Variants in SUPT6H observed in about 807,000 individuals in gnomAD.
SUPT6H encodes transcription elongation factor SPT6.
Under a neutral mutation model 222.3 loss-of-function variants are expected in SUPT6H, and 11 were observed. The ratio of observed to expected loss-of-function variants is 0.05; its 90% CI spans 0.03 to 0.08. The LOEUF (loss-of-function observed/expected upper bound fraction) is 0.08. SUPT6H is among the 10% of genes least tolerant of loss of function. The pLI is 1.00. For missense variants in SUPT6H, 1,422 were observed against 2,216.0 expected, an observed-to-expected ratio of 0.64 and a Z score of 7.19; for synonymous variants, 762 against 801.2, an observed-to-expected ratio of 0.95 and a Z score of 0.83.
intron 24 of SUPT6H, 186 bp from the exon 25 acceptor site, chr17:28,689,168 A>G: frequency 1.7e-6 from 1 of 590,414 alleles, no homozygotes; most frequent in Non-Finnish European, 3.0e-6. Context: ...TTCACGTATC[A>G]ATATATTGTG....
intron 29 of SUPT6H, among the ~76,000 whole-genome samples, chr17:28,696,034 C>T (rs145576704): frequency 2.0e-5 from 3 of 151,964 alleles, no homozygotes; most frequent in Admixed American, 6.6e-5. Context: ...GAGCCAGGTG[C>T]GGTGGCTCAT....
At chr17:28,667,405 G>GTATATATATATATATATATATATATATA (rs59286877) in intron 1 of SUPT6H, among the ~76,000 whole-genome samples, 1 of 49,302 alleles carries the variant, frequency 2.0e-5, no homozygotes, top group Non-Finnish European at 3.4e-5. Context: ...GTGTGTGTGT[G>GTATATATATATATATATATATATATATA]TATATATATA....
chr17:28,672,289 A>G (rs1346162421), intron 1 of SUPT6H, among the ~76,000 whole-genome samples: 1 of 152,228 alleles, frequency 6.6e-6, no homozygotes, highest in Non-Finnish European at 1.5e-5. Context: ...TTGTCCCTAC[A>G]TTAGTTTCTT....
Position 28,673,150 on chromosome 17 carries a change from C to CA in SUPT6H, c.-31-204dup, listed in dbSNP as rs568444024. 7.3e-3 allele frequency among the ~76,000 whole-genome samples: 598 copies of CA among 81,764 alleles called. 3 individuals are homozygous for CA. The highest frequency in any genetic ancestry group is 0.032 in the East Asian group (99 of 3,086). The allele number at this position is 81,764 out of a possible 152,430, so 53.6% of individuals were successfully genotyped here. ...TGGGTGAGAGAGTGAGACGCCACCT[C>CA]AAAAAAAAAAAAAAAAAGTACATAT... On this transcript the variant is annotated intron_variant, in intron 1 of 36. Coordinates refer to ENST00000314616, the MANE Select transcript of SUPT6H (RefSeq NM_003170.5).
chr17:28,696,723 A>T, intron 29 of SUPT6H, 121 bp from the exon 30 acceptor site: 1 of 904,074 alleles, frequency 1.1e-6, no homozygotes, highest in Admixed American at 1.9e-5. Flanking sequence ...CTGGCACTCC[A>T]GCCCAGATGA....
Position 28,673,737 on chromosome 17 carries a change from GTTTAC to G in SUPT6H, c.109+232_109+236del, listed in dbSNP as rs1019736368. The stretch of plus-strand genomic sequence containing the variant: ...ACAATAAATATCCAGCTATTGTGGA[GTTTAC>G]TTTAGTTGGGGGGTGGTTGATAATA... On this transcript the variant is annotated intron_variant, in intron 2 of 36. Coordinates refer to ENST00000314616, the MANE Select transcript of SUPT6H (RefSeq NM_003170.5). The G allele has an allele frequency of 7.3e-5, 37 of 507,830 alleles. No homozygotes were observed. In the East Asian group the frequency reaches 8.1e-4, roughly 11 times the overall value. 31.5% of individuals were successfully genotyped at this position (507,830 alleles called of 1,614,324 possible). A position where few individuals can be genotyped will look rare whatever the true frequency, so the allele number is the denominator to read the frequency against.
chr17:28,697,877 C>G, intron 31 of SUPT6H, 29 bp from the exon 32 acceptor site: 11 of 1,611,778 alleles, frequency 6.8e-6, no homozygotes, highest in South Asian at 1.1e-5. Flanking sequence ...TGCTGCTATC[C>G]CAACCTCTCC....
intron 6 of SUPT6H, 22 bp downstream of exon 6, chr17:28,675,507 G>C: frequency 1.2e-6 from 2 of 1,613,648 alleles, no homozygotes; most frequent in Non-Finnish European, 1.7e-6. Flanking sequence ...CTGGTACAAG[G>C]TGGGGATAAA....
In SUPT6H at chr17:28,700,252, TGAG is replaced by T; in HGVS notation, c.4639+6_4639+8del. On this transcript the variant is annotated splice_donor_5th_base_variant and intron_variant, in intron 34 of 36. Coordinates refer to ENST00000314616, the MANE Select transcript of SUPT6H (RefSeq NM_003170.5). ...CCCCAGCCAACATCAACCTTGCAGG[TGAG>T]GAGCTTGAGCCTGGGACTGGAGGTG... 9.9e-6 allele frequency: 16 copies of T among 1,614,116 alleles called. No homozygotes were observed. The highest frequency in any genetic ancestry group is 1.4e-5 in the Non-Finnish European group (16 of 1,180,024).
intron 23 of SUPT6H, 113 bp from the exon 24 acceptor site, chr17:28,687,978 A>G (rs1360287387): frequency 4.6e-6 from 6 of 1,294,730 alleles, no homozygotes; most frequent in African/African-American, 3.1e-5. Context: ...GTAGTGCTCA[A>G]CTAGATACTG....
At chr17:28,698,987 T>A (rs2032033824) in intron 32 of SUPT6H, among the ~76,000 whole-genome samples, 1 of 152,224 alleles carries the variant, frequency 6.6e-6, no homozygotes, top group South Asian at 2.1e-4. Context: ...TGCAGCATGA[T>A]AGCTTCTGGG....
chr17:28,678,514 CTGAG>C, intron 9 of SUPT6H, 27 bp from the exon 10 acceptor site: 2 of 1,602,738 alleles, frequency 1.2e-6, no homozygotes, highest in Non-Finnish European at 1.7e-6. Flanking sequence ...TCTGTCTTCT[CTGAG>C]TGACTGCAGT....
Position 28,687,092 on chromosome 17 carries a change from A to G in SUPT6H, c.2705A>G (p.Glu902Gly). ...LYMNSKKSEAEFRDYPPVLRQ... is the reference protein window; with the variant it reads ...LYMNSKKSEAGFRDYPPVLRQ... ...CTGACCCTCGTTTGACTCTAGGCAG[A>G]GTTCCGGGATTATCCTCCAGTGCTG... The change falls in exon 22 of 37, where the codon GAG (glutamate) becomes GGG (glycine). Residue 902 changes from glutamate to glycine, a missense_variant. By Grantham distance (98) the Glu-to-Gly change is moderately conservative. Coordinates refer to ENST00000314616, the MANE Select transcript of SUPT6H (RefSeq NM_003170.5). 1 of 1,613,144 alleles carries G rather than the reference A, an allele frequency of 6.2e-7. No homozygotes were observed. Among genetic ancestry groups the G allele is most frequent in the Non-Finnish European group, 8.5e-7 (1 of 1,180,000 alleles).
At chr17:28,700,299 G>A in intron 34 of SUPT6H, 47 bp from the exon 35 acceptor site, 2 of 1,614,132 alleles carry the variant, frequency 1.2e-6, no homozygotes, top group African/African-American at 1.3e-5. Flanking sequence ...GGAGCTAAAG[G>A]GACTTTCACC....
intron 6 of SUPT6H, among the ~76,000 whole-genome samples, 165 bp downstream of exon 6, chr17:28,675,650 G>A (rs756337637): frequency 7.9e-5 from 12 of 152,156 alleles, no homozygotes; most frequent in South Asian, 2.1e-4. Context: ...GACTGCTCCC[G>A]GAAGCCCTGG....
chr17:28,698,600 C>G (rs530986397), intron 32 of SUPT6H, among the ~76,000 whole-genome samples: 1 of 152,366 alleles, frequency 6.6e-6, no homozygotes, highest in East Asian at 1.9e-4. Flanking sequence ...GTCCAGTTTC[C>G]TTAGACTGGC....
chr17:28,687,404 C>T lies in SUPT6H; in HGVS notation c.2939C>T (p.Pro980Leu). 1 of 1,614,214 alleles carries T rather than the reference C, an allele frequency of 6.2e-7. No homozygotes were observed. The highest frequency in any genetic ancestry group is 8.5e-7 in the Non-Finnish European group (1 of 1,180,040). The change falls in exon 23 of 37, where the codon CCT (proline) becomes CTT (leucine). Residue 980 changes from proline (P) to leucine (L), a missense_variant. By Grantham distance (98) the Pro-to-Leu change is moderately conservative (BLOSUM62 -3). Around this residue, in one of 13 missense-constraint regions of SUPT6H, gnomAD observed 294 missense variants for 382.1 expected, o/e 0.77. Coordinates refer to ENST00000314616, the MANE Select transcript of SUPT6H (RefSeq NM_003170.5). The part of the protein sequence containing the change: ...GVDVNRAIAH[P>L]YSQALIQYVC... ...GATGTCAACCGTGCCATTGCCCACC[C>T]TTACAGCCAGGCCTTGATCCAGTAT...
At chr17:28,668,061 A>G (rs1021426224) in intron 1 of SUPT6H, among the ~76,000 whole-genome samples, 2 of 152,234 alleles carry the variant, frequency 1.3e-5, no homozygotes, top group Non-Finnish European at 2.9e-5. Flanking sequence ...TGGCAATCTG[A>G]TCCCAGTTCC....
chr17:28,682,934 C>G lies in SUPT6H; in HGVS notation c.1728-8C>G, dbSNP rs1333027420. On this transcript the variant is annotated splice_region_variant and splice_polypyrimidine_tract_variant and intron_variant, in intron 14 of 36. Coordinates refer to ENST00000314616, the MANE Select transcript of SUPT6H (RefSeq NM_003170.5). ...CCTGGTCCTGTAGCTGCACCATTTT[C>G]CCCACAGCCAGTTCCCTACTCCAGA... The G allele has an allele frequency of 3.1e-6, 5 of 1,611,234 alleles. No homozygotes were observed. In the East Asian group the frequency reaches 1.1e-4, roughly 36 times the overall value.
Sources: allele counts gnomAD v4.1 joint callset (sites outside exome capture counted in the v4.1 genomes callset), GRCh38; gene constraint gnomAD v4.1.1; regional missense constraint gnomAD v4.1.1; transcripts MANE v1.5; gene names NCBI Gene and HGNC (gene_info 2026-07-23, HGNC 2026-07-21).